The following TOGARAM2 variants were observed in gnomAD, a reference collection of about 807,000 sequenced individuals.
The protein encoded by TOGARAM2 is TOG array regulator of axonemal microtubules 2, also known as TOG array regulator of axonemal microtubules protein 2.
Under a neutral mutation model 93.3 loss-of-function variants are expected in TOGARAM2, and 85 were observed. The ratio of observed to expected loss-of-function variants is 0.91; its 90% confidence interval spans 0.76 to 1.09. The LOEUF is 1.09. Ranked by LOEUF, TOGARAM2 falls within the 50% of genes least tolerant of loss-of-function variation. TOGARAM2 has a pLI of 0.00. For synonymous variants in TOGARAM2, 593 were observed against 552.8 expected (o/e 1.07, Z -1.02); for missense variants, 1,277 against 1,334.5 (o/e 0.96, Z 0.67).
intron 10 of TOGARAM2, among the ~76,000 whole-genome samples, chr2:29,020,931 T>C (rs112329036): frequency 0.056 from 8,481 of 152,152 alleles, 772 homozygotes; most frequent in African/African-American, 0.19. Flanking sequence ...TTTTAATCCC[T>C]GAGACTGAGT....
At chr2:29,031,890 A>C (rs1352672058) in intron 14 of TOGARAM2, among the ~76,000 whole-genome samples, 1 of 152,196 alleles carries the variant, frequency 6.6e-6, no homozygotes, top group Non-Finnish European at 1.5e-5. Flanking sequence ...AGTTTGAATG[A>C]AATATGATTT....
At chr2:29,004,909 TGTGCATGTGTAC>T in intron 6 of TOGARAM2, among the ~76,000 whole-genome samples, 1 of 16,796 alleles carries the variant, frequency 6.0e-5, no homozygotes, top group Non-Finnish European at 3.3e-4. Context: ...AGTGCATGTG[TGTGCATGTGTAC>T]GTGTGTGAGT....
intron 3 of TOGARAM2, 124 bp downstream of exon 3, chr2:28,998,377 C>A: frequency 1.6e-6 from 1 of 643,796 alleles, no homozygotes; most frequent in African/African-American, 1.9e-5. Flanking sequence ...GTGGCTCCTG[C>A]TGAAAATACC....
intron 13 of TOGARAM2, among the ~76,000 whole-genome samples, chr2:29,025,602 G>C (rs1296906925): frequency 6.6e-6 from 1 of 152,210 alleles, no homozygotes; most frequent in Admixed American, 6.5e-5. Flanking sequence ...TTCTGGTTCA[G>C]ATGTCAGTGC....
intron 18 of TOGARAM2, among the ~76,000 whole-genome samples, chr2:29,043,986 C>T (rs145870716): frequency 7.2e-5 from 11 of 152,312 alleles, no homozygotes; most frequent in African/African-American, 1.4e-4. Flanking sequence ...CAATTTATTC[C>T]GGAAATGTCC....
chr2:28,956,946 G>A lies in TOGARAM2; in HGVS notation c.-147+249G>A, dbSNP rs545746616. On this transcript the variant is annotated intron_variant, in intron 1 of 6. Coordinates refer to the TOGARAM2 transcript ENST00000401723. The surrounding 1 kb of genome is among the most constrained non-coding windows in gnomAD (Gnocchi z 4.5). ...TCGAGACTAGCCTAGCCAACATGGCGAACCCCTGTCTCTACTAAAAGTACA... is the reference window on the plus strand; with the variant it reads ...TCGAGACTAGCCTAGCCAACATGGCAAACCCCTGTCTCTACTAAAAGTACA... 1.1e-3 allele frequency among the ~76,000 whole-genome samples: 173 copies of A among 152,050 alleles called. No individual in the cohort carries two copies. The highest frequency in any genetic ancestry group is 2.0e-3 in the Non-Finnish European group (136 of 67,984).
At chr2:29,049,581 T>G (rs1360565417) in intron 19 of TOGARAM2, 1 of 152,282 alleles carries the variant, frequency 6.6e-6, no homozygotes, top group Non-Finnish European at 1.5e-5. Flanking sequence ...TAGTTTCCCC[T>G]CATCTCCCAC....
intron 18 of TOGARAM2, among the ~76,000 whole-genome samples, chr2:29,043,879 G>A (rs1361984241): frequency 2.0e-5 from 3 of 152,206 alleles, no homozygotes; most frequent in African/African-American, 7.2e-5. Context: ...AAACCAGGAG[G>A]TGTCAGCTAG....
At chr2:28,996,045 G>C (rs1423335754) in intron 2 of TOGARAM2, among the ~76,000 whole-genome samples, 2 of 152,248 alleles carry the variant, frequency 1.3e-5, no homozygotes, top group Non-Finnish European at 2.9e-5. Context: ...ATGGGGAAGA[G>C]AGAGTAACAC....
chr2:28,973,725 A>T (rs1361056823), intron 1 of TOGARAM2, among the ~76,000 whole-genome samples: 1 of 152,116 alleles, frequency 6.6e-6, no homozygotes, highest in African/African-American at 2.4e-5. Flanking sequence ...TCAGAGTCTC[A>T]TTATGTTGCC....
At chr2:28,997,362 T>A (rs938668090) in intron 2 of TOGARAM2, among the ~76,000 whole-genome samples, 1 of 152,244 alleles carries the variant, frequency 6.6e-6, no homozygotes, top group Non-Finnish European at 1.5e-5. Flanking sequence ...GCTCCCTGTA[T>A]GCTCTCAGCT....
chr2:28,994,968 G>T (rs1343409651), intron 2 of TOGARAM2, 106 bp downstream of exon 2: 3 of 1,379,294 alleles, frequency 2.2e-6, no homozygotes, highest in Non-Finnish European at 3.0e-6. Flanking sequence ...ATAAAGGGCT[G>T]CTGGGAGATA....
At chr2:28,980,859 A>G (rs78277383), upstream of TOGARAM2, among the ~76,000 whole-genome samples, 3,399 of 152,252 alleles carry the variant, frequency 0.022, 120 homozygotes, top group African/African-American at 0.072. Context: ...TACCCATTTT[A>G]TAGATGAGGA....
intron 1 of TOGARAM2, among the ~76,000 whole-genome samples, chr2:28,971,626 G>C (rs2148222649): frequency 6.6e-6 from 1 of 152,246 alleles, no homozygotes; most frequent in Middle Eastern, 3.4e-3. Context: ...GGCTGGTTTT[G>C]TTTCTTCTCT....
intron 10 of TOGARAM2, 119 bp downstream of exon 10, chr2:29,018,075 C>T (rs1664705688): frequency 9.3e-6 from 11 of 1,182,256 alleles, no homozygotes; most frequent in East Asian, 5.4e-5. Flanking sequence ...CATGTTAGAC[C>T]AGGAGGCAGC....
intron 1 of TOGARAM2, among the ~76,000 whole-genome samples, chr2:28,992,700 A>G (rs1251430447): frequency 6.6e-6 from 1 of 152,192 alleles, no homozygotes; most frequent in East Asian, 1.9e-4. Context: ...AATAGGGCCG[A>G]GATCTTATTA....
In TOGARAM2 at chr2:28,999,273, G is replaced by T. The variant is rs771852665; in HGVS notation, c.232G>T (p.Asp78Tyr). ...GLGQLGGLKL[D>Y]TPSKGWQARN... The stretch of plus-strand genomic sequence containing the variant: ...CGGACAGCTGGGTGGCCTCAAGCTG[G>T]ACACCCCTTCCAAGGGCTGGCAGGC... The change falls in exon 4 of 20, where the codon GAC becomes TAC. Residue 78 changes from aspartate (D) to tyrosine (Y), a missense_variant. By Grantham distance (160) the Asp-to-Tyr change is radical. Transcript: ENST00000379558. The T allele has an allele frequency of 1.2e-5, 20 of 1,606,740 alleles. No homozygotes were observed. The highest frequency in any genetic ancestry group is 1.6e-5 in the Non-Finnish European group (19 of 1,173,360).
chr2:28,974,262 G>T (rs373651051), intron 1 of TOGARAM2, among the ~76,000 whole-genome samples: 4 of 151,538 alleles, frequency 2.6e-5, no homozygotes, highest in African/African-American at 9.7e-5. Flanking sequence ...TGAGTAGCTG[G>T]GATTACAGGT....
chr2:29,025,950 T>C (rs11691201), intron 13 of TOGARAM2, among the ~76,000 whole-genome samples: 45,862 of 151,686 alleles, frequency 0.3, 7,092 homozygotes, highest in African/African-American at 0.36. Context: ...GCCAGGACAC[T>C]AGGTAGGGAA....
Sources: allele counts gnomAD v4.1 joint callset (sites outside exome capture counted in the v4.1 genomes callset), GRCh38; gene constraint gnomAD v4.1.1; non-coding constraint Gnocchi (gnomAD v3.1); transcripts MANE v1.5; gene names NCBI Gene and HGNC (gene_info 2026-07-23, HGNC 2026-07-21).